The following TNIK variants were observed in gnomAD, a reference collection of about 807,000 sequenced individuals.
TNIK encodes TRAF2 and NCK interacting kinase.
A neutral mutation model predicts 191.3 loss-of-function variants in TNIK; 49 were observed. The observed-to-expected ratio is 0.26, with a 90% CI of 0.20 to 0.32. TNIK has a LOEUF of 0.32. Ranked by LOEUF, TNIK falls within the 10% of genes least tolerant of loss-of-function variation. The pLI is 1.00. For missense variants in TNIK, 1,155 were observed against 1,702.3 expected, an observed-to-expected ratio of 0.68 and a Z score of 5.66; for synonymous variants, 594 against 600.9, an observed-to-expected ratio of 0.99 and a Z score of 0.17.
At chr3:171,306,702 A>G (rs1298360030) in intron 2 of TNIK, among the ~76,000 whole-genome samples, 4 of 152,178 alleles carry the variant, frequency 2.6e-5, no homozygotes, top group Non-Finnish European at 4.4e-5. Flanking sequence ...GCTTTCATGA[A>G]AAAGCAAAAT....
chr3:171,063,775 C>A lies in TNIK; in HGVS notation c.*106G>T. ...GAGGAAAAAGGGAAAGCGATATGTT[C>A]AACCAAGCCTTCTGATTCTGCCTCT... is the stretch of plus-strand genomic sequence containing the variant. On this transcript the variant is annotated 3_prime_UTR_variant, in exon 33 of 33. Coordinates refer to ENST00000436636, the MANE Select transcript of TNIK (RefSeq NM_015028.4). The A allele has an allele frequency of 1.7e-6, 2 of 1,144,568 alleles. No homozygotes were observed. Among genetic ancestry groups the A allele is most frequent in the South Asian group, 1.5e-5 (1 of 66,472 alleles). 70.9% of individuals were successfully genotyped at this position (1,144,568 alleles called of 1,614,324 possible).
chr3:171,195,677 A>G (rs934621712), intron 4 of TNIK, among the ~76,000 whole-genome samples: 1 of 152,172 alleles, frequency 6.6e-6, no homozygotes, highest in Non-Finnish European at 1.5e-5. Context: ...ATAAAATCTC[A>G]TGAAACTCAT....
chr3:171,286,760 G>A (rs35875980), intron 2 of TNIK, among the ~76,000 whole-genome samples: 3,891 of 152,304 alleles, frequency 0.026, 60 homozygotes, highest in Middle Eastern at 0.037. Flanking sequence ...CCTGATACCA[G>A]TTACCAGCCA....
At chr3:171,346,299 G>GA (rs1452533098) in intron 2 of TNIK, among the ~76,000 whole-genome samples, 1 of 152,122 alleles carries the variant, frequency 6.6e-6, no homozygotes, top group Admixed American at 6.5e-5. Flanking sequence ...GATTTTTGAA[G>GA]AAAAATCACT....
intron 18 of TNIK, among the ~76,000 whole-genome samples, chr3:171,114,681 T>C (rs1348388042): frequency 1.1e-4 from 17 of 152,204 alleles, no homozygotes. Flanking sequence ...TTTGAAACTT[T>C]TGTGGTAAAA....
At chr3:171,192,626 G>T (rs909198061) in intron 5 of TNIK, among the ~76,000 whole-genome samples, 10 of 152,202 alleles carry the variant, frequency 6.6e-5, no homozygotes, top group Non-Finnish European at 1.5e-4. Flanking sequence ...CCTCTGTAGG[G>T]TTCCCCAGCA....
At chr3:171,344,573 C>T (rs918729902) in intron 2 of TNIK, among the ~76,000 whole-genome samples, 4 of 152,030 alleles carry the variant, frequency 2.6e-5, no homozygotes, top group African/African-American at 4.8e-5. Flanking sequence ...ATTAGGTGAC[C>T]GGACCTTCCT....
At chr3:171,398,935 A>G (rs1421155495) in intron 1 of TNIK, among the ~76,000 whole-genome samples, 1 of 152,112 alleles carries the variant, frequency 6.6e-6, no homozygotes, top group Non-Finnish European at 1.5e-5. Flanking sequence ...CTGCCTCCTT[A>G]GCCCCAAGAA....
At chr3:171,327,473 C>T (rs1755902766) in intron 2 of TNIK, among the ~76,000 whole-genome samples, 2 of 152,156 alleles carry the variant, frequency 1.3e-5, no homozygotes, top group South Asian at 4.1e-4. Flanking sequence ...CAGTGCTATG[C>T]CTGGCCGCTA....
At chr3:171,405,611 A>G (rs1213531050) in intron 1 of TNIK, among the ~76,000 whole-genome samples, 3 of 152,034 alleles carry the variant, frequency 2.0e-5, no homozygotes, top group Non-Finnish European at 4.4e-5. Context: ...AAAAGTGATA[A>G]GAAGTTGACT....
chr3:171,455,073 C>G (rs756211090), intron 1 of TNIK, among the ~76,000 whole-genome samples: 1 of 152,088 alleles, frequency 6.6e-6, no homozygotes, highest in Admixed American at 6.6e-5. Context: ...CTGCACTTAC[C>G]TCATATGTAA....
At chr3:171,332,812 C>T (rs1020417254) in intron 2 of TNIK, among the ~76,000 whole-genome samples, 2 of 152,088 alleles carry the variant, frequency 1.3e-5, no homozygotes, top group African/African-American at 2.4e-5. Context: ...TATATTTGGC[C>T]GGAGATTATT....
intron 2 of TNIK, among the ~76,000 whole-genome samples, chr3:171,296,585 T>C (rs1752311553): frequency 6.6e-6 from 1 of 152,246 alleles, no homozygotes; most frequent in South Asian, 2.1e-4. Flanking sequence ...CTTCTCATTA[T>C]GAGATTTGGA....
At chr3:171,074,808 G>A (rs1719681226) in intron 28 of TNIK, among the ~76,000 whole-genome samples, 1 of 152,156 alleles carries the variant, frequency 6.6e-6, no homozygotes, top group Admixed American at 6.5e-5. Flanking sequence ...AATTTCATAG[G>A]GGAAGCTAAG....
intron 4 of TNIK, among the ~76,000 whole-genome samples, chr3:171,207,323 A>C (rs555158765): frequency 1.7e-4 from 26 of 151,926 alleles, no homozygotes; most frequent in African/African-American, 6.0e-4. Flanking sequence ...TTCTCTCTAC[A>C]TCCTCACCAA....
At chr3:171,131,337 C>CA (rs61728094) in intron 15 of TNIK, among the ~76,000 whole-genome samples, 1,023 of 23,124 alleles carry the variant, frequency 0.044, 264 homozygotes, top group Middle Eastern at 0.17. Flanking sequence ...GACTCCGTCT[C>CA]AAAAAAAAAA....
At chr3:171,354,416 A>G (rs1236497938) in intron 2 of TNIK, among the ~76,000 whole-genome samples, 1 of 152,142 alleles carries the variant, frequency 6.6e-6, no homozygotes, top group African/African-American at 2.4e-5. Context: ...ATTTCAAAAG[A>G]AAACCTCCAG....
At chr3:171,113,387 C>G (rs924339544) in intron 18 of TNIK, among the ~76,000 whole-genome samples, 2 of 152,100 alleles carry the variant, frequency 1.3e-5, no homozygotes, top group Admixed American at 1.3e-4. Flanking sequence ...AGGCAGATCA[C>G]GAGGTCAGGA....
intron 2 of TNIK, among the ~76,000 whole-genome samples, chr3:171,299,115 A>T (rs955984582): frequency 6.6e-6 from 1 of 152,186 alleles, no homozygotes; most frequent in Non-Finnish European, 1.5e-5. Context: ...ATTTTGTGGG[A>T]GACTGCACAA....
Sources: allele counts gnomAD v4.1 joint callset (sites outside exome capture counted in the v4.1 genomes callset), GRCh38; gene constraint gnomAD v4.1.1; transcripts MANE v1.5; gene names NCBI Gene and HGNC (gene_info 2026-07-23, HGNC 2026-07-21).